KIAA1586: variants seen among roughly 807,000 people sequenced by gnomAD.
KIAA1586 encodes KIAA1586.
A neutral mutation model predicts 6.1 loss-of-function variants in KIAA1586; 5 were observed. The observed-to-expected ratio is 0.82, with a 90% CI of 0.43 to 1.73. KIAA1586 has a LOEUF of 1.73. Among genes scored for constraint, KIAA1586 ranks in the 40% most tolerant of loss-of-function variants. The pLI, the probability that KIAA1586 is intolerant of heterozygous loss-of-function variation, is 0.02. For synonymous variants in KIAA1586, 280 were observed against 301.7 expected (o/e 0.93, Z 0.75); for missense variants, 899 against 878.2 (o/e 1.02, Z -0.30).
At chr6:57,065,671 GAGA>G in the KIAA1586 span, among the ~76,000 whole-genome samples, 33 of 152,140 alleles carry the variant, frequency 2.2e-4, no homozygotes, top group South Asian at 6.4e-3. Flanking sequence ...TTTTTTGCTA[GAGA>G]CGGAGTCTCA....
chr6:57,060,297 A>G, the KIAA1586 span, among the ~76,000 whole-genome samples: 2 of 152,154 alleles, frequency 1.3e-5, no homozygotes, highest in African/African-American at 2.4e-5. Context: ...CAACATGGCA[A>G]GACCTGGATC....
the KIAA1586 span, among the ~76,000 whole-genome samples, chr6:57,061,806 AAAAT>A: frequency 1.1e-4 from 17 of 152,220 alleles, no homozygotes; most frequent in African/African-American, 2.7e-4. Context: ...TTAGATTAAG[AAAAT>A]AAATAATTAC....
chr6:57,049,143 G>A (rs1251788685), intron 2 of KIAA1586, among the ~76,000 whole-genome samples: 1 of 152,170 alleles, frequency 6.6e-6, no homozygotes, highest in Admixed American at 6.5e-5. Context: ...TGCTGTCAGT[G>A]TAATTGCAGT....
chr6:57,053,849 T>G lies in KIAA1586; in HGVS notation c.1350T>G (p.Ile450Met), dbSNP rs61740373. ...TATTTATTGATAAAATTTATTCTAT[T>G]TATCATCAACCTAATAAAAATCAAA... ...LKIFIDKIYS[I>M]YHQPNKNQTK... The change falls in exon 4 of 4, where the codon ATT becomes ATG. Residue 450 changes from isoleucine to methionine, a missense_variant. Transcript: ENST00000370733. The G allele has an allele frequency of 6.5e-7, 1 of 1,528,282 alleles. No individual in the cohort carries two copies. Among genetic ancestry groups the G allele is most frequent in the African/African-American group, 1.4e-5 (1 of 71,242 alleles). 94.7% of individuals were successfully genotyped at this position (1,528,282 alleles called of 1,614,324 possible).
At chr6:57,062,908 G>A in the KIAA1586 span, among the ~76,000 whole-genome samples, 3 of 152,052 alleles carry the variant, frequency 2.0e-5, no homozygotes, top group Admixed American at 6.6e-5. Flanking sequence ...AAAATTAGCC[G>A]GGCGTGGCGG....
At chr6:57,065,315 T>C in the KIAA1586 span, among the ~76,000 whole-genome samples, 2 of 152,122 alleles carry the variant, frequency 1.3e-5, no homozygotes, top group African/African-American at 4.8e-5. Flanking sequence ...AGGGTAAGGC[T>C]ACCTACCAAT....
chr6:57,052,284 A>G (rs1282804661), intron 3 of KIAA1586, among the ~76,000 whole-genome samples: 1 of 152,244 alleles, frequency 6.6e-6, no homozygotes, highest in Non-Finnish European at 1.5e-5. Context: ...ATTAGGTATT[A>G]AAAATAATCT....
chr6:57,051,796 T>C (rs1438477664), intron 3 of KIAA1586, among the ~76,000 whole-genome samples: 1 of 151,874 alleles, frequency 6.6e-6, no homozygotes, highest in Non-Finnish European at 1.5e-5. Context: ...TAGCCGGGCG[T>C]GGTGGTGCAT....
downstream of KIAA1586, among the ~76,000 whole-genome samples, chr6:57,057,493 G>A (rs571955450): frequency 2.0e-4 from 30 of 152,024 alleles, no homozygotes; most frequent in South Asian, 1.2e-3. Flanking sequence ...TGGTTCACAC[G>A]TGTAATCCCA....
At chr6:57,048,417 C>T (rs1459655960) in intron 2 of KIAA1586, among the ~76,000 whole-genome samples, 1 of 152,006 alleles carries the variant, frequency 6.6e-6, no homozygotes. Flanking sequence ...GTTTGTTTTT[C>T]GTGTTTTGTG....
At position 57,052,629 on chromosome 6, in the gene KIAA1586, T is replaced by A. The variant is rs529935079; in HGVS notation, c.187-57T>A. On this transcript the variant is annotated intron_variant, in intron 3 of 3. Coordinates refer to ENST00000370733, the MANE Select transcript of KIAA1586 (RefSeq NM_020931.4). ...TTAGATAATCACTAAGAGAACTTTT[T>A]ACATTGACCCTTAAAGTGTTATGAA... 2.1e-4 allele frequency: 287 copies of A among 1,353,486 alleles called. 4 individuals carry two copies. In the South Asian group the frequency reaches 4.7e-3, roughly 22 times the overall value. The allele number at this position is 1,353,486 out of a possible 1,614,324, so 83.8% of individuals were successfully genotyped here.
chr6:57,055,732 C>T (rs1424617493), downstream of KIAA1586, among the ~76,000 whole-genome samples: 1 of 152,038 alleles, frequency 6.6e-6, no homozygotes, highest in Non-Finnish European at 1.5e-5. Context: ...TGAAGGCATA[C>T]TGAAAAAGAA....
intron 2 of KIAA1586, among the ~76,000 whole-genome samples, chr6:57,049,432 C>T (rs1423137083): frequency 6.6e-6 from 1 of 151,968 alleles, no homozygotes; most frequent in East Asian, 1.9e-4. Flanking sequence ...GTTTGGATTC[C>T]TTAGTCTTTT....
At chr6:57,050,624 C>T (rs981871872) in intron 2 of KIAA1586, 150 bp from the exon 3 acceptor site, 1 of 591,790 alleles carries the variant, frequency 1.7e-6, no homozygotes, top group East Asian at 3.0e-5. Context: ...CCCCTTTGCC[C>T]GTTTTGTTTC....
At chr6:57,057,627 G>C (rs970426776), downstream of KIAA1586, among the ~76,000 whole-genome samples, 2 of 151,742 alleles carry the variant, frequency 1.3e-5, no homozygotes, top group African/African-American at 4.8e-5. Context: ...GGTGGCAGGT[G>C]CCTGTAGTCC....
At position 57,053,822 on chromosome 6, in the gene KIAA1586, A is replaced by T. The variant is rs750340309; in HGVS notation, c.1323A>T (p.Lys441Asn). 6.7e-7 allele frequency: 1 copy of T among 1,493,156 alleles called. No homozygotes were observed. The allele number at this position is 1,493,156 out of a possible 1,614,324, so 92.5% of individuals were successfully genotyped here. The change falls in exon 4 of 4, where the codon AAA becomes AAT. Residue 441 changes from lysine (K) to asparagine (N), a missense_variant. By Grantham distance (94) the Lys-to-Asn change is moderately conservative (BLOSUM62 0). Transcript: ENST00000370733. ...AAATAAAACAAATTAATCATTTAAA[A>T]ATATTTATTGATAAAATTTATTCTA... ...ISEIKQINHL[K>N]IFIDKIYSIY...
At chr6:57,063,450 C>CTTTTTTTTT in the KIAA1586 span, among the ~76,000 whole-genome samples, 6 of 102,552 alleles carry the variant, frequency 5.9e-5, no homozygotes, top group African/African-American at 7.8e-5. Flanking sequence ...TATGTTATTT[C>CTTTTTTTTT]TTTTTTTTTT....
intron 3 of KIAA1586, among the ~76,000 whole-genome samples, chr6:57,052,485 T>C (rs1828354461): frequency 6.6e-6 from 1 of 152,190 alleles, no homozygotes; most frequent in Non-Finnish European, 1.5e-5. Flanking sequence ...AAACTGTTGT[T>C]GGTTGTAGAA....
intron 3 of KIAA1586, among the ~76,000 whole-genome samples, chr6:57,052,401 A>T (rs1211668510): frequency 6.6e-6 from 1 of 152,172 alleles, no homozygotes; most frequent in Non-Finnish European, 1.5e-5. Flanking sequence ...GGAGGTGCAA[A>T]TAGCATACTC....
Sources: gnomAD v4.1 joint callset for allele counts (sites outside exome capture counted in the v4.1 genomes callset) on GRCh38, gnomAD v4.1.1 for gene constraint, MANE v1.5 for transcripts, NCBI Gene and HGNC (gene_info 2026-07-23, HGNC 2026-07-21) for gene names.